The following TM7SF3 variants were observed in gnomAD, a reference collection of about 807,000 sequenced individuals.
TM7SF3 encodes transmembrane 7 superfamily member 3.
In TM7SF3, 60 loss-of-function variants were observed where a neutral mutation model predicts 65.5. That is an observed-to-expected ratio of 0.92 (90% CI 0.74 to 1.14). The LOEUF (loss-of-function observed/expected upper bound fraction) is 1.14. TM7SF3 is among the 50% of genes most tolerant of loss of function. The probability of loss-of-function intolerance (pLI) is 0.00; values close to 1 mark genes in which losing one functional copy is unlikely to be tolerated. For missense variants in TM7SF3, 623 were observed against 684.8 expected, an observed-to-expected ratio of 0.91 and a Z score of 1.01; for synonymous variants, 264 against 259.6, an observed-to-expected ratio of 1.02 and a Z score of -0.16.
At chr12:26,989,454 G>A (rs927799199) in intron 6 of TM7SF3, among the ~76,000 whole-genome samples, 2 of 151,694 alleles carry the variant, frequency 1.3e-5, no homozygotes, top group African/African-American at 4.8e-5. Context: ...AAAGAAAAGA[G>A]TTATACACAG....
intron 7 of TM7SF3, among the ~76,000 whole-genome samples, chr12:26,981,407 C>T (rs1939809234): frequency 6.6e-6 from 1 of 152,018 alleles, no homozygotes; most frequent in African/African-American, 2.4e-5. Context: ...GTGGGAGGAT[C>T]ACTTGAGGCT....
Position 26,999,644 on chromosome 12 carries a change from A to C in TM7SF3, c.279T>G (p.Thr93=), listed in dbSNP as rs766646523. The C allele has an allele frequency of 1.5e-5, 25 of 1,614,058 alleles. No individual in the cohort carries two copies. In the South Asian group the frequency reaches 2.7e-4, roughly 18 times the overall value. The stretch of plus-strand genomic sequence containing the variant: ...TAAGGATGAAAACCAGTCCACTGGC[A>C]GTGCCTGTTTCCGAGGAATTGGAAA... ...TLLSNSSETG[T]ASGLVFILRP... is the part of the protein sequence containing the mutation. The change falls in exon 3 of 12, where the codon ACT becomes ACG. Residue 93 remains threonine, a synonymous_variant. Transcript: ENST00000343028.
intron 2 of TM7SF3, among the ~76,000 whole-genome samples, chr12:27,001,724 A>C: frequency 6.6e-6 from 1 of 152,242 alleles, no homozygotes; most frequent in East Asian, 1.9e-4. Context: ...TAGTTAAAAA[A>C]GAGAAGAAGA....
chr12:26,995,126 C>A (rs1030063282), intron 5 of TM7SF3, 111 bp downstream of exon 5: 1 of 1,077,474 alleles, frequency 9.3e-7, no homozygotes, highest in Non-Finnish European at 1.3e-6. Flanking sequence ...AGTGAGTGTC[C>A]CCCAAAAAGG....
chr12:26,980,080 G>T, intron 8 of TM7SF3, 144 bp from the exon 9 acceptor site: 1 of 941,346 alleles, frequency 1.1e-6, no homozygotes, highest in Non-Finnish European at 1.6e-6. Flanking sequence ...CATGAAGCCA[G>T]CATAGAGCAA....
chr12:26,983,648 T>C (rs972225104), intron 6 of TM7SF3: 44 of 418,768 alleles, frequency 1.1e-4, no homozygotes, highest in South Asian at 2.4e-4. Context: ...GGATAATTGG[T>C]GTATGGAGGC....
chr12:26,982,783 G>C lies in TM7SF3; in HGVS notation c.945C>G (p.Phe315Leu). Residue 315 changes from phenylalanine (F) to leucine (L), a missense_variant, in exon 7 of 12, where the codon TTC becomes TTG. By Grantham distance (22) the Phe-to-Leu change is conservative. Transcript: ENST00000343028. ...GFFICFFGHR[F>L]WKTELFFIGF... is the part of the protein sequence containing the mutation. ...CATTGGACATAATACCTGTTTTCCA[G>C]AATCTGTGTCCAAAGAAACAAATGA... 1 of 1,607,648 alleles carries C rather than the reference G, an allele frequency of 6.2e-7. No homozygotes were observed. Among genetic ancestry groups the C allele is most frequent in the Non-Finnish European group, 8.5e-7 (1 of 1,177,652 alleles).
intron 1 of TM7SF3, among the ~76,000 whole-genome samples, chr12:27,003,852 C>T (rs892354604): frequency 1.3e-5 from 2 of 152,178 alleles, no homozygotes; most frequent in Non-Finnish European, 2.9e-5. Context: ...CCGGTGTTTA[C>T]CAGCTGTGTG....
intron 3 of TM7SF3, among the ~76,000 whole-genome samples, chr12:26,998,252 G>A (rs1298516219): frequency 1.3e-5 from 2 of 152,056 alleles, no homozygotes; most frequent in African/African-American, 4.8e-5. Flanking sequence ...CACATAGTAG[G>A]CACTAGTAAA....
chr12:26,980,825 C>T (rs1445747826), intron 7 of TM7SF3, among the ~76,000 whole-genome samples, 179 bp from the exon 8 acceptor site: 2 of 152,048 alleles, frequency 1.3e-5, no homozygotes, highest in African/African-American at 2.4e-5. Context: ...AATTCAGCAG[C>T]CATGGGAGTA....
intron 1 of TM7SF3, chr12:27,012,815 T>G (rs1047004974): frequency 2.3e-6 from 1 of 430,928 alleles, no homozygotes; most frequent in African/African-American, 2.0e-5. Flanking sequence ...CTGAACAACA[T>G]GGTGAAACCC....
chr12:26,974,312 G>C, intron 11 of TM7SF3, 85 bp from the exon 12 acceptor site: 1 of 1,380,472 alleles, frequency 7.2e-7, no homozygotes. Context: ...GACTAAATCT[G>C]TATATTCCTT....
rs562046422 is a variant in TM7SF3, at chr12:26,989,092, G to A, written c.868+1358C>T. ...AATCAAGTATTTATGTAATCAATAA[G>A]GCTTCTCTGGTCAACACTAGGCTAA... On this transcript the variant is annotated intron_variant, in intron 6 of 11. Transcript: ENST00000343028. Among the ~76,000 whole-genome samples the A allele has an allele frequency of 1.1e-4, 16 of 152,088 alleles. No homozygotes were observed. In the East Asian group the frequency reaches 2.9e-3, roughly 27 times the overall value.
intron 8 of TM7SF3, 193 bp from the exon 9 acceptor site, chr12:26,980,129 T>G: frequency 1.6e-6 from 1 of 638,450 alleles, no homozygotes; most frequent in East Asian, 2.8e-5. Context: ...ACAAGGAAAT[T>G]AGCTAGGGAG....
At chr12:26,985,806 G>GTTTTT (rs149988617) in intron 6 of TM7SF3, among the ~76,000 whole-genome samples, 2,204 of 52,846 alleles carry the variant, frequency 0.042, 395 homozygotes, top group Non-Finnish European at 0.054. Flanking sequence ...TTTCTTTTTC[G>GTTTTT]TTTTTTTTTT....
intron 9 of TM7SF3, among the ~76,000 whole-genome samples, chr12:26,977,207 T>C (rs1427491797): frequency 1.3e-5 from 2 of 152,240 alleles, no homozygotes; most frequent in African/African-American, 4.8e-5. Flanking sequence ...AACAGCAATA[T>C]GCCATTGAGG....
At chr12:26,998,528 T>C (rs986212112) in intron 3 of TM7SF3, among the ~76,000 whole-genome samples, 4 of 152,214 alleles carry the variant, frequency 2.6e-5, no homozygotes, top group Non-Finnish European at 5.9e-5. Context: ...TACACCTATT[T>C]TGTATCACTA....
intron 2 of TM7SF3, among the ~76,000 whole-genome samples, chr12:27,000,423 T>C (rs543750432): frequency 6.6e-6 from 1 of 152,200 alleles, no homozygotes; most frequent in Non-Finnish European, 1.5e-5. Flanking sequence ...TTTTAAATTG[T>C]GTTATAACTG....
At chr12:26,987,169 G>A (rs1940136303) in intron 6 of TM7SF3, among the ~76,000 whole-genome samples, 2 of 152,252 alleles carry the variant, frequency 1.3e-5, no homozygotes, top group South Asian at 4.1e-4. Flanking sequence ...TATTCAGTCT[G>A]AAGATTTCCA....
Sources: allele counts gnomAD v4.1 joint callset (sites outside exome capture counted in the v4.1 genomes callset), GRCh38; gene constraint gnomAD v4.1.1; transcripts MANE v1.5; gene names NCBI Gene and HGNC (gene_info 2026-07-23, HGNC 2026-07-21).